Variants in CAV3 observed in about 807,000 individuals in gnomAD.
The protein encoded by CAV3 is caveolin-3.
In CAV3, 10 loss-of-function variants were observed where a neutral mutation model predicts 13.4. The ratio of observed to expected loss-of-function variants is 0.75; its 90% CI spans 0.46 to 1.27. The LOEUF (loss-of-function observed/expected upper bound fraction) is 1.27, where lower values mean the gene tolerates loss of function less well. Ranked by LOEUF, CAV3 falls within the 50% of genes most tolerant of loss-of-function variation. The pLI, the probability that CAV3 is intolerant of heterozygous loss-of-function variation, is 0.00. For missense variants in CAV3, 162 were observed against 194.0 expected, an observed-to-expected ratio of 0.83 and a Z score of 0.98; for synonymous variants, 90 against 79.0, an observed-to-expected ratio of 1.14 and a Z score of -0.74.
At chr3:8,737,221 A>C (rs1379708364) in intron 1 of CAV3, among the ~76,000 whole-genome samples, 1 of 152,172 alleles carries the variant, frequency 6.6e-6, no homozygotes, top group Non-Finnish European at 1.5e-5. Context: ...CACAGGTGGT[A>C]GCAGGTTTCT....
At chr3:8,735,248 A>T (rs1405380854) in intron 1 of CAV3, among the ~76,000 whole-genome samples, 4 of 152,242 alleles carry the variant, frequency 2.6e-5, no homozygotes, top group Non-Finnish European at 5.9e-5. Flanking sequence ...AATGTTCCTG[A>T]TATTTCTTAC....
chr3:8,742,280 A>T (rs1203257990), intron 1 of CAV3, among the ~76,000 whole-genome samples: 1 of 151,842 alleles, frequency 6.6e-6, no homozygotes, highest in East Asian at 1.9e-4. Flanking sequence ...CAGAAAATAG[A>T]GCACTTGCCC....
In CAV3 at chr3:8,745,400, A is replaced by G; in HGVS notation, c.115-126A>G. Reference sequence around the variant, plus strand: ...AAGCAATGCAAGAATAGCCTAATACAGGTAGGGTCCAGCCACCAAGGTTAA... The same window carrying G: ...AAGCAATGCAAGAATAGCCTAATACGGGTAGGGTCCAGCCACCAAGGTTAA... On this transcript the variant is annotated intron_variant, in intron 1 of 1. Coordinates refer to ENST00000343849, the MANE Select transcript of CAV3 (RefSeq NM_033337.3). This position sits in a 1 kb window ranked among gnomAD's most constrained non-coding sequence, Gnocchi z 4.8. The G allele has an allele frequency of 1.1e-5, 8 of 717,176 alleles. No homozygotes were observed. The highest frequency in any genetic ancestry group is 7.6e-5 in the South Asian group (5 of 65,930). The allele number at this position is 717,176 out of a possible 1,614,324, so 44.4% of individuals were successfully genotyped here. A position where few individuals can be genotyped will look rare whatever the true frequency, so the allele number is the denominator to read the frequency against.
At chr3:8,736,385 A>G (rs758470765) in intron 1 of CAV3, among the ~76,000 whole-genome samples, 2 of 152,226 alleles carry the variant, frequency 1.3e-5, no homozygotes, top group Middle Eastern at 3.2e-3. Context: ...AGTCCCTGGC[A>G]CCCAGCAAGG....
At chr3:8,740,569 C>G (rs1707922981) in intron 1 of CAV3, among the ~76,000 whole-genome samples, 1 of 152,216 alleles carries the variant, frequency 6.6e-6, no homozygotes, top group Admixed American at 6.5e-5. Context: ...CTCTCTGTCT[C>G]TCTCCTTGCA....
rs750311244 is a variant in CAV3, at chr3:8,733,863, C to A, written c.-14C>A. 2.6e-6 allele frequency: 4 copies of A among 1,540,152 alleles called. No homozygotes were observed. The highest frequency in any genetic ancestry group is 1.7e-4 in the Middle Eastern group (1 of 5,948). ...CAGCTCGGATCTCCTCCTGTGGATC[C>A]CCCCAGCTCTGCGATGATGGCAGAA... is the stretch of plus-strand genomic sequence containing the variant. On this transcript the variant is annotated 5_prime_UTR_variant, in exon 1 of 2. Coordinates refer to ENST00000343849, the MANE Select transcript of CAV3 (RefSeq NM_033337.3).
In CAV3 at chr3:8,746,723, G is replaced by C. The variant is rs1050033433; in HGVS notation, c.*856G>C. On this transcript the variant is annotated 3_prime_UTR_variant, in exon 2 of 2. Transcript: ENST00000343849. Reference sequence around the variant, plus strand: ...GGAACAAGGTCTAATTTGTGCGTGTGTGGACTCACTATGGAAATAAAATGC... The same window carrying C: ...GGAACAAGGTCTAATTTGTGCGTGTCTGGACTCACTATGGAAATAAAATGC... 3 of 152,070 alleles carry C rather than the reference G, an allele frequency of 2.0e-5. No individual in the cohort carries two copies. Among genetic ancestry groups the C allele is most frequent in the African/African-American group, 7.3e-5 (3 of 41,328 alleles). 9.4% of individuals were successfully genotyped at this position (152,070 alleles called of 1,614,324 possible).
Position 8,746,677 on chromosome 3 carries a change from GC to G in CAV3, c.*813del, listed in dbSNP as rs66667169. 0.09 allele frequency: 13,642 copies of G among 152,014 alleles called. 806 individuals carry two copies. Among genetic ancestry groups the G allele is most frequent in the Non-Finnish European group, 0.14 (9,272 of 67,960 alleles). The allele number at this position is 152,014 out of a possible 1,614,324, so 9.4% of individuals were successfully genotyped here. A position where few individuals can be genotyped will look rare whatever the true frequency, so the allele number is the denominator to read the frequency against. On this transcript the variant is annotated 3_prime_UTR_variant, in exon 2 of 2. Transcript: ENST00000343849. Reference sequence around the variant, plus strand: ...TGCCATTTGACATGAGGGTACCTTCGCCCTCAGGAGATGTGACGAAGGAACA... The same window carrying G: ...TGCCATTTGACATGAGGGTACCTTCGCCTCAGGAGATGTGACGAAGGAACA...
rs2124988175 is a variant in CAV3 at position 8,745,509 on chromosome 3, C to T, written c.115-17C>T. 6.2e-7 allele frequency: 1 copy of T among 1,604,850 alleles called. No homozygotes were observed. The highest frequency in any genetic ancestry group is 1.1e-5 in the South Asian group (1 of 90,742). On this transcript the variant is annotated splice_polypyrimidine_tract_variant and intron_variant, in intron 1 of 1. Transcript: ENST00000343849. This position sits in a 1 kb window ranked among gnomAD's most constrained non-coding sequence, Gnocchi z 4.8. ...GTGGCTTCTGTGAGTTGAGGCTTCC[C>T]CTTGCCACCCCTGCAGGTGGATTTT... is the stretch of plus-strand genomic sequence containing the variant.
rs189628092 is a variant in CAV3 at position 8,736,652 on chromosome 3, C to A, written c.114+2662C>A. The stretch of plus-strand genomic sequence containing the variant: ...TCCAAGCCGCAGGCCTGGATTATGA[C>A]GCAGAGGGAGCGGCGGGGGCGGCGG... On this transcript the variant is annotated intron_variant, in intron 1 of 1. Transcript: ENST00000343849. Among the ~76,000 whole-genome samples, 546 of 152,346 alleles carry A rather than the reference C, an allele frequency of 3.6e-3. 2 individuals carry two copies. The highest frequency in any genetic ancestry group is 6.0e-3 in the African/African-American group (251 of 41,574).
intron 1 of CAV3, among the ~76,000 whole-genome samples, chr3:8,739,523 G>C (rs1487273595): frequency 2.0e-5 from 3 of 151,716 alleles, no homozygotes; most frequent in Admixed American, 1.3e-4. Context: ...AGGAGGCTGA[G>C]GCAGGAGAAT....
chr3:8,743,414 CTGG>C (rs1708042453), intron 1 of CAV3, among the ~76,000 whole-genome samples: 1 of 152,160 alleles, frequency 6.6e-6, no homozygotes, highest in Non-Finnish European at 1.5e-5. Context: ...CCACCACCTC[CTGG>C]AAGCCCTCCA....
chr3:8,736,672 C>T (rs947219217), intron 1 of CAV3, among the ~76,000 whole-genome samples: 3 of 152,152 alleles, frequency 2.0e-5, no homozygotes, highest in Admixed American at 1.3e-4. Context: ...GCGGCGGGGG[C>T]GGCGGCACAG....
chr3:8,737,937 T>C (rs1463336826), intron 1 of CAV3, among the ~76,000 whole-genome samples: 2 of 151,996 alleles, frequency 1.3e-5, no homozygotes, highest in Non-Finnish European at 2.9e-5. Flanking sequence ...TCCAAGTTAT[T>C]TCCAAGAGGG....
At chr3:8,738,657 A>C (rs1039237160) in intron 1 of CAV3, among the ~76,000 whole-genome samples, 1 of 152,252 alleles carries the variant, frequency 6.6e-6, no homozygotes, top group African/African-American at 2.4e-5. Flanking sequence ...AGAAAAATTA[A>C]AAATGTGAAA....
chr3:8,744,445 ATTTTTTTTTT>A (rs141816229), intron 1 of CAV3, among the ~76,000 whole-genome samples: 4 of 111,380 alleles, frequency 3.6e-5, no homozygotes, highest in Admixed American at 9.9e-5. Context: ...TACCCGGCTA[ATTTTTTTTTT>A]TTTTTTTTTT....
rs1575477552 is a variant in CAV3 at position 8,745,587 on chromosome 3, A to C, written c.176A>C (p.Lys59Thr). 1 of 1,614,108 alleles carries C rather than the reference A, an allele frequency of 6.2e-7. No homozygotes were observed. The highest frequency in any genetic ancestry group is 2.2e-5 in the East Asian group (1 of 44,864). ...ACCTACAGCTTTGACGGCGTGTGGAAGGTGAGCTACACCACCTTCACTGTC... is the reference window on the plus strand; with the variant it reads ...ACCTACAGCTTTGACGGCGTGTGGACGGTGAGCTACACCACCTTCACTGTC... ...VGTYSFDGVW[K>T]VSYTTFTVSK... Residue 59 changes from lysine (K) to threonine (T), a missense_variant, in exon 2 of 2, where the codon AAG becomes ACG. By Grantham distance (78) the Lys-to-Thr change is moderately conservative (BLOSUM62 -1). Coordinates refer to ENST00000343849, the MANE Select transcript of CAV3 (RefSeq NM_033337.3). This position sits in a 1 kb window ranked among gnomAD's most constrained non-coding sequence, Gnocchi z 4.8.
chr3:8,735,687 C>A (rs992752491), intron 1 of CAV3, among the ~76,000 whole-genome samples: 1 of 152,220 alleles, frequency 6.6e-6, no homozygotes, highest in Non-Finnish European at 1.5e-5. Flanking sequence ...GCTGTCCAAA[C>A]CCAACACAAT....
At chr3:8,743,416 G>C (rs1708042579) in intron 1 of CAV3, among the ~76,000 whole-genome samples, 1 of 152,008 alleles carries the variant, frequency 6.6e-6, no homozygotes, top group Admixed American at 6.6e-5. Flanking sequence ...ACCACCTCCT[G>C]GAAGCCCTCC....
Sources: allele counts gnomAD v4.1 joint callset (sites outside exome capture counted in the v4.1 genomes callset), GRCh38; gene constraint gnomAD v4.1.1; non-coding constraint Gnocchi (gnomAD v3.1); transcripts MANE v1.5; gene names NCBI Gene and HGNC (gene_info 2026-07-23, HGNC 2026-07-21).